PHACTR1: variants seen among roughly 807,000 people sequenced by gnomAD.
The protein encoded by PHACTR1 is RPEL repeat containing 1.
A neutral mutation model predicts 69.2 loss-of-function variants in PHACTR1; 16 were observed. That is an observed-to-expected ratio of 0.23 (90% CI 0.16 to 0.35). PHACTR1 has a LOEUF of 0.35. Among genes scored for constraint, PHACTR1 ranks in the 10% least tolerant of loss-of-function variants. The probability of loss-of-function intolerance (pLI) is 1.00; values close to 1 mark genes in which losing one functional copy is unlikely to be tolerated. For synonymous variants in PHACTR1, 312 were observed against 284.5 expected (o/e 1.10, Z -0.97); for missense variants, 510 against 734.7 (o/e 0.69, Z 3.54).
chr6:12,736,433 A>C (rs1764260464), intron 3 of PHACTR1, among the ~76,000 whole-genome samples: 1 of 152,162 alleles, frequency 6.6e-6, no homozygotes, highest in Non-Finnish European at 1.5e-5. Context: ...CTGCCTGACT[A>C]TAATATACCA....
At chr6:12,943,425 A>AC (rs1465586757) in intron 4 of PHACTR1, among the ~76,000 whole-genome samples, 1 of 152,224 alleles carries the variant, frequency 6.6e-6, no homozygotes, top group African/African-American at 2.4e-5. Flanking sequence ...ATATTATAGC[A>AC]CTACGTAGTG....
chr6:13,248,303 G>A (rs1232839096), intron 10 of PHACTR1, among the ~76,000 whole-genome samples: 1 of 152,214 alleles, frequency 6.6e-6, no homozygotes, highest in East Asian at 1.9e-4. Context: ...ATATAGCTTT[G>A]TCTAGGCAGA....
chr6:12,916,074 G>A (rs1173272343), intron 4 of PHACTR1, among the ~76,000 whole-genome samples: 1 of 152,158 alleles, frequency 6.6e-6, no homozygotes, highest in Non-Finnish European at 1.5e-5. Flanking sequence ...TGGCAAAAAG[G>A]GTAATACATT....
chr6:12,742,032 T>C (rs540925843), intron 3 of PHACTR1, among the ~76,000 whole-genome samples: 1 of 152,366 alleles, frequency 6.6e-6, no homozygotes, highest in African/African-American at 2.4e-5. Context: ...TAAATGGTAC[T>C]TTAAATTTTT....
At chr6:13,046,711 A>G (rs1267719372) in intron 4 of PHACTR1, among the ~76,000 whole-genome samples, 1 of 151,810 alleles carries the variant, frequency 6.6e-6, no homozygotes. Flanking sequence ...TTAATGCCCA[A>G]TCTTTGTCCC....
chr6:12,793,185 TC>T (rs1772551269), intron 4 of PHACTR1, among the ~76,000 whole-genome samples: 1 of 152,208 alleles, frequency 6.6e-6, no homozygotes, highest in Non-Finnish European at 1.5e-5. Flanking sequence ...TATGAGTGTT[TC>T]AGAATTAAAG....
intron 7 of PHACTR1, among the ~76,000 whole-genome samples, chr6:13,205,390 A>C (rs1583917718): frequency 6.6e-6 from 1 of 152,168 alleles, no homozygotes; most frequent in African/African-American, 2.4e-5. Context: ...TTACATTGAC[A>C]ATTATATTTC....
intron 4 of PHACTR1, among the ~76,000 whole-genome samples, chr6:12,927,049 C>T (rs1472241770): frequency 1.3e-5 from 2 of 152,192 alleles, no homozygotes; most frequent in Admixed American, 6.5e-5. Context: ...TTTCCGCAAG[C>T]AATACAGTAA....
At chr6:13,153,096 C>T (rs1487481642) in intron 5 of PHACTR1, among the ~76,000 whole-genome samples, 5 of 152,082 alleles carry the variant, frequency 3.3e-5, no homozygotes, top group African/African-American at 1.2e-4. Context: ...AAGGCACATT[C>T]AAAGAATTCT....
chr6:12,844,892 C>A (rs1328699513), intron 4 of PHACTR1, among the ~76,000 whole-genome samples: 1 of 152,084 alleles, frequency 6.6e-6, no homozygotes, highest in African/African-American at 2.4e-5. Flanking sequence ...CTGCTTAGCC[C>A]TCTAGTGGTG....
At chr6:12,883,976 A>C (rs150863042) in intron 4 of PHACTR1, among the ~76,000 whole-genome samples, 1 of 152,172 alleles carries the variant, frequency 6.6e-6, no homozygotes, top group African/African-American at 2.4e-5. Flanking sequence ...ATGTACCCAC[A>C]TACACACACA....
chr6:13,270,372 T>C (rs911507378), intron 10 of PHACTR1, among the ~76,000 whole-genome samples: 12 of 152,242 alleles, frequency 7.9e-5, no homozygotes, highest in Admixed American at 5.2e-4. Flanking sequence ...AGAGTTTCCA[T>C]AGAACTTCAC....
chr6:13,174,888 A>C (rs1761113498), intron 6 of PHACTR1, among the ~76,000 whole-genome samples: 1 of 152,202 alleles, frequency 6.6e-6, no homozygotes, highest in African/African-American at 2.4e-5. Context: ...GAAGGAAGGA[A>C]AAAATAAACA....
At chr6:13,109,652 T>C (rs1402608931) in intron 5 of PHACTR1, among the ~76,000 whole-genome samples, 1 of 152,142 alleles carries the variant, frequency 6.6e-6, no homozygotes, top group Non-Finnish European at 1.5e-5. Context: ...GTTATGCTTT[T>C]TGGATATGTA....
chr6:12,749,928 C>A (rs1157809167), intron 4 of PHACTR1, 138 bp downstream of exon 4: 1 of 813,496 alleles, frequency 1.2e-6, no homozygotes, highest in East Asian at 2.9e-5. Flanking sequence ...CTTTGTGTCT[C>A]CGGTGCGCAG....
chr6:13,266,881 C>G (rs548300301), intron 10 of PHACTR1: 1 of 152,376 alleles, frequency 6.6e-6, no homozygotes, highest in South Asian at 2.1e-4. Flanking sequence ...GGCAGGGACA[C>G]AGATCCAAAT....
intron 4 of PHACTR1, among the ~76,000 whole-genome samples, chr6:12,978,777 A>G (rs1249240792): frequency 2.6e-5 from 4 of 152,248 alleles, no homozygotes. Context: ...CCACAGCAGT[A>G]TCAAGTCTCA....
intron 5 of PHACTR1, among the ~76,000 whole-genome samples, chr6:13,156,270 A>G (rs374745823): frequency 5.9e-5 from 9 of 152,232 alleles, no homozygotes; most frequent in East Asian, 3.8e-4. Context: ...CTGTGGGCTC[A>G]GGGTTCTATA....
At chr6:13,205,311 G>T (rs1380432320) in intron 7 of PHACTR1, among the ~76,000 whole-genome samples, 1 of 152,178 alleles carries the variant, frequency 6.6e-6, no homozygotes, top group Admixed American at 6.5e-5. Flanking sequence ...ATTCATGAGG[G>T]ATCCACACCC....
Sources: allele counts gnomAD v4.1 joint callset (sites outside exome capture counted in the v4.1 genomes callset), GRCh38; gene constraint gnomAD v4.1.1; transcripts MANE v1.5; gene names NCBI Gene and HGNC (gene_info 2026-07-23, HGNC 2026-07-21).